Variants in FCHSD2 observed in about 807,000 individuals in gnomAD.
The protein encoded by FCHSD2 is F-BAR and double SH3 domains protein 2.
Under a neutral mutation model 108.1 loss-of-function variants are expected in FCHSD2, and 38 were observed. The observed-to-expected ratio is 0.35, with a 90% CI of 0.27 to 0.46. The LOEUF (loss-of-function observed/expected upper bound fraction) is 0.46, where lower values mean the gene tolerates loss of function less well. Among genes scored for constraint, FCHSD2 ranks in the 20% least tolerant of loss-of-function variants. The pLI, the probability that FCHSD2 is intolerant of heterozygous loss-of-function variation, is 1.00. For missense variants in FCHSD2, 751 were observed against 897.8 expected, an observed-to-expected ratio of 0.84 and a Z score of 2.09; for synonymous variants, 279 against 314.7, an observed-to-expected ratio of 0.89 and a Z score of 1.20.
At chr11:73,116,763 C>T (rs1851950619) in intron 2 of FCHSD2, among the ~76,000 whole-genome samples, 1 of 152,252 alleles carries the variant, frequency 6.6e-6, no homozygotes, top group African/African-American at 2.4e-5. Flanking sequence ...GTCTCGAACT[C>T]CTGGCCTCAA....
At chr11:73,102,517 A>C (rs1285854128) in intron 2 of FCHSD2, among the ~76,000 whole-genome samples, 2 of 152,242 alleles carry the variant, frequency 1.3e-5, no homozygotes, top group African/African-American at 4.8e-5. Flanking sequence ...TGAATGAATA[A>C]ACAAATTGCA....
intron 8 of FCHSD2, among the ~76,000 whole-genome samples, chr11:72,950,914 C>T (rs1172800942): frequency 6.6e-6 from 1 of 152,108 alleles, no homozygotes; most frequent in East Asian, 1.9e-4. Context: ...GTGACTAATT[C>T]TCTCTAATTC....
chr11:73,009,128 T>C (rs952667446), intron 4 of FCHSD2, among the ~76,000 whole-genome samples: 5 of 151,790 alleles, frequency 3.3e-5, no homozygotes, highest in Non-Finnish European at 5.9e-5. Context: ...GCATGTATCA[T>C]CAGATAGGCA....
chr11:73,109,782 T>C (rs1207440169), intron 2 of FCHSD2, among the ~76,000 whole-genome samples: 1 of 152,150 alleles, frequency 6.6e-6, no homozygotes, highest in Non-Finnish European at 1.5e-5. Flanking sequence ...TTCCAGATCT[T>C]AGAGGAAAGG....
chr11:72,960,213 G>T (rs1856797585), intron 8 of FCHSD2, among the ~76,000 whole-genome samples: 1 of 152,008 alleles, frequency 6.6e-6, no homozygotes, highest in Admixed American at 6.6e-5. Flanking sequence ...AGGTGGGAGG[G>T]GAGATGCCAT....
chr11:72,990,796 G>A (rs1432368194), intron 5 of FCHSD2, among the ~76,000 whole-genome samples: 5 of 152,168 alleles, frequency 3.3e-5, no homozygotes, highest in Admixed American at 6.5e-5. Flanking sequence ...ACAAGGCAAA[G>A]AACTAGAGAA....
At chr11:73,042,590 G>A (rs1395925759) in intron 3 of FCHSD2, among the ~76,000 whole-genome samples, 1 of 152,138 alleles carries the variant, frequency 6.6e-6, no homozygotes, top group Non-Finnish European at 1.5e-5. Context: ...CTATTTCTAT[G>A]AAGAATGTCA....
intron 10 of FCHSD2, among the ~76,000 whole-genome samples, chr11:72,897,272 T>C (rs1038316097): frequency 6.7e-6 from 1 of 150,328 alleles, no homozygotes; most frequent in Middle Eastern, 3.2e-3. Flanking sequence ...GGGTTCTGTA[T>C]CTGTGGATTC....
At chr11:73,057,215 C>G (rs1262403962) in intron 3 of FCHSD2, among the ~76,000 whole-genome samples, 1 of 152,116 alleles carries the variant, frequency 6.6e-6, no homozygotes, top group Non-Finnish European at 1.5e-5. Flanking sequence ...GAATACCCCA[C>G]AATTAAAGAT....
intron 12 of FCHSD2, among the ~76,000 whole-genome samples, chr11:72,873,037 T>C (rs1854894044): frequency 2.0e-5 from 3 of 152,270 alleles, no homozygotes; most frequent in Admixed American, 1.3e-4. Flanking sequence ...CTATTAATGT[T>C]ACAAATCTTA....
At chr11:72,935,789 C>T (rs910614615) in intron 8 of FCHSD2, among the ~76,000 whole-genome samples, 1 of 152,126 alleles carries the variant, frequency 6.6e-6, no homozygotes, top group Non-Finnish European at 1.5e-5. Context: ...CTTCAGGTTA[C>T]TTCATGTTCT....
At chr11:73,033,329 C>T (rs1473362501) in intron 3 of FCHSD2, among the ~76,000 whole-genome samples, 1 of 151,752 alleles carries the variant, frequency 6.6e-6, no homozygotes, top group African/African-American at 2.4e-5. Context: ...CAGGGAGACC[C>T]ATAGGAGGCT....
chr11:73,069,611 A>G (rs1859385189), intron 3 of FCHSD2, among the ~76,000 whole-genome samples: 1 of 152,274 alleles, frequency 6.6e-6, no homozygotes, highest in East Asian at 1.9e-4. Context: ...AACATAGCAC[A>G]AAGAGCAAAG....
At chr11:73,050,900 A>G (rs1487347688) in intron 3 of FCHSD2, among the ~76,000 whole-genome samples, 2 of 152,256 alleles carry the variant, frequency 1.3e-5, no homozygotes, top group Admixed American at 6.5e-5. Flanking sequence ...TCTAGATTAG[A>G]ACAAAGGTCC....
rs557621100 is a variant in FCHSD2 at position 73,140,182 on chromosome 11, A to T, written c.22-54T>A. 11 of 1,052,848 alleles carry T rather than the reference A, an allele frequency of 1.0e-5. No individual in the cohort carries two copies. The Admixed American group carries it at 1.6e-4, about 15-fold the overall frequency. The allele number at this position is 1,052,848 out of a possible 1,614,324, so 65.2% of individuals were successfully genotyped here. A position where few individuals can be genotyped will look rare whatever the true frequency, so the allele number is the denominator to read the frequency against. ...CTTTTTACAAATTTAACCCAAAAAA[A>T]TTGCTTCAGGAAAATACATCTGTCA... is the stretch of plus-strand genomic sequence containing the variant. On this transcript the variant is annotated intron_variant, in intron 1 of 19. Coordinates refer to ENST00000409418, the MANE Select transcript of FCHSD2 (RefSeq NM_014824.3).
intron 8 of FCHSD2, among the ~76,000 whole-genome samples, chr11:72,937,894 A>C (rs748158131): frequency 1.1e-4 from 17 of 152,264 alleles, no homozygotes; most frequent in Non-Finnish European, 2.2e-4. Flanking sequence ...TGGGAAATAC[A>C]GAACATAAGA....
At chr11:72,856,253 A>G (rs1356186588) in intron 13 of FCHSD2, among the ~76,000 whole-genome samples, 1 of 152,212 alleles carries the variant, frequency 6.6e-6, no homozygotes, top group Non-Finnish European at 1.5e-5. Flanking sequence ...GGCCAAGTGC[A>G]TGGCCCTGGG....
At chr11:73,046,697 A>T (rs953414970) in intron 3 of FCHSD2, among the ~76,000 whole-genome samples, 1 of 152,222 alleles carries the variant, frequency 6.6e-6, no homozygotes, top group African/African-American at 2.4e-5. Context: ...ATAAAAGCAC[A>T]AGTATAACAA....
At chr11:73,058,251 C>A (rs1859077591) in intron 3 of FCHSD2, among the ~76,000 whole-genome samples, 1 of 152,188 alleles carries the variant, frequency 6.6e-6, no homozygotes. Context: ...GATGCTACAG[C>A]AACCTGGCAT....
Sources: allele counts gnomAD v4.1 joint callset (sites outside exome capture counted in the v4.1 genomes callset), GRCh38; gene constraint gnomAD v4.1.1; transcripts MANE v1.5; gene names NCBI Gene and HGNC (gene_info 2026-07-23, HGNC 2026-07-21).